Variants in PPP2R2B observed in about 807,000 individuals in gnomAD.
The protein encoded by PPP2R2B is serine/threonine-protein phosphatase 2A 55 kDa regulatory subunit B beta isoform.
Under a neutral mutation model 46.0 loss-of-function variants are expected in PPP2R2B, and 5 were observed. The observed-to-expected ratio is 0.11, with a 90% CI of 0.06 to 0.23. The LOEUF is 0.23. Among genes scored for constraint, PPP2R2B ranks in the 10% least tolerant of loss-of-function variants. The probability of loss-of-function intolerance (pLI) is 1.00; values close to 1 mark genes in which losing one functional copy is unlikely to be tolerated. For missense variants in PPP2R2B, 367 were observed against 575.0 expected, an observed-to-expected ratio of 0.64 and a Z score of 3.70; for synonymous variants, 215 against 206.7, an observed-to-expected ratio of 1.04 and a Z score of -0.34.
At chr5:146,913,014 T>C (rs1441556445) in intron 1 of PPP2R2B, among the ~76,000 whole-genome samples, 1 of 152,206 alleles carries the variant, frequency 6.6e-6, no homozygotes, top group African/African-American at 2.4e-5. Flanking sequence ...AAACACTATG[T>C]GTTCAGCCCT....
chr5:146,803,343 G>A (rs1443264604), intron 2 of PPP2R2B, among the ~76,000 whole-genome samples: 3 of 151,838 alleles, frequency 2.0e-5, no homozygotes, highest in Non-Finnish European at 4.4e-5. Context: ...AGAGTGCTGG[G>A]GATTATCAGC....
chr5:147,056,221 A>G (rs1757078553), upstream of PPP2R2B: 1 of 742,616 alleles, frequency 1.3e-6, no homozygotes, highest in Non-Finnish European at 1.6e-6. Context: ...TGCCCTGGAG[A>G]GAGATGGCTG....
chr5:146,696,329 C>T (rs886595396), intron 4 of PPP2R2B, among the ~76,000 whole-genome samples: 4 of 152,170 alleles, frequency 2.6e-5, no homozygotes, highest in African/African-American at 7.2e-5. Flanking sequence ...TGGTCTCGAT[C>T]TCCTGACCTC....
chr5:146,641,356 T>C (rs1581774195), intron 6 of PPP2R2B, among the ~76,000 whole-genome samples: 1 of 152,120 alleles, frequency 6.6e-6, no homozygotes, highest in South Asian at 2.1e-4. Context: ...CTGGCCAAAA[T>C]GTGACAATTT....
At chr5:146,777,899 T>G (rs1755284159) in intron 2 of PPP2R2B, among the ~76,000 whole-genome samples, 1 of 152,192 alleles carries the variant, frequency 6.6e-6, no homozygotes, top group African/African-American at 2.4e-5. Context: ...ATGAATGCAC[T>G]GTTACGAGGG....
chr5:146,969,659 T>A (rs1752581962), intron 1 of PPP2R2B, among the ~76,000 whole-genome samples: 3 of 152,318 alleles, frequency 2.0e-5, no homozygotes, highest in Admixed American at 2.0e-4. Flanking sequence ...AACAGAAGAA[T>A]CAAGAGTCAT....
intron 1 of PPP2R2B, among the ~76,000 whole-genome samples, chr5:146,992,575 A>T (rs772523290): frequency 6.6e-6 from 1 of 152,140 alleles, no homozygotes; most frequent in Non-Finnish European, 1.5e-5. Flanking sequence ...TATACCCCTA[A>T]TAGGGAGGAC....
At chr5:146,729,715 C>T (rs1752112455) in intron 2 of PPP2R2B, among the ~76,000 whole-genome samples, 1 of 152,180 alleles carries the variant, frequency 6.6e-6, no homozygotes, top group African/African-American at 2.4e-5. Flanking sequence ...AAGCCTCAAG[C>T]CTTGGCAGCT....
At chr5:146,676,039 G>A (rs551346714) in intron 5 of PPP2R2B, among the ~76,000 whole-genome samples, 7 of 151,948 alleles carry the variant, frequency 4.6e-5, no homozygotes, top group Non-Finnish European at 7.4e-5. Flanking sequence ...GAGGGAGGAC[G>A]CCTTGATATT....
At chr5:146,911,021 A>T (rs1420130109) in intron 1 of PPP2R2B, among the ~76,000 whole-genome samples, 1 of 151,036 alleles carries the variant, frequency 6.6e-6, no homozygotes, top group African/African-American at 2.4e-5. Context: ...ACTCTGCCTC[A>T]TCTTTTATAT....
intron 2 of PPP2R2B, among the ~76,000 whole-genome samples, chr5:146,773,466 C>CAATTCTACAA (rs1419904644): frequency 1.3e-5 from 2 of 152,218 alleles, no homozygotes; most frequent in African/African-American, 4.8e-5. Context: ...AATGGCCTCA[C>CAATTCTACAA]AATTCTACAA....
chr5:146,894,753 T>C (rs1311220404), intron 1 of PPP2R2B, among the ~76,000 whole-genome samples: 1 of 152,172 alleles, frequency 6.6e-6, no homozygotes, highest in Non-Finnish European at 1.5e-5. Flanking sequence ...CTCTGGACCT[T>C]TGTACACACT....
At chr5:146,640,224 C>A (rs1775105833) in intron 6 of PPP2R2B, among the ~76,000 whole-genome samples, 1 of 152,230 alleles carries the variant, frequency 6.6e-6, no homozygotes, top group African/African-American at 2.4e-5. Flanking sequence ...TGGGTTCTTT[C>A]TAAAATTGGC....
chr5:146,644,234 C>CAAAAAA (rs58634387), intron 6 of PPP2R2B, among the ~76,000 whole-genome samples: 8 of 60,660 alleles, frequency 1.3e-4, no homozygotes, highest in African/African-American at 2.5e-4. Context: ...AGGAAAGTTT[C>CAAAAAA]AAAAAAAAAA....
intron 1 of PPP2R2B, among the ~76,000 whole-genome samples, chr5:147,020,422 T>A (rs1044178536): frequency 4.6e-5 from 7 of 152,192 alleles, no homozygotes; most frequent in Middle Eastern, 3.4e-3. Flanking sequence ...GAAATTCATA[T>A]GTGATTTATA....
At chr5:146,679,153 G>C (rs1581856125) in intron 5 of PPP2R2B, among the ~76,000 whole-genome samples, 7 of 52,296 alleles carry the variant, frequency 1.3e-4, no homozygotes, top group African/African-American at 2.7e-4. Context: ...ATACTACAAG[G>C]CTACAGTAAC....
Position 146,583,033 on chromosome 5 carries a change from A to G in PPP2R2B, c.*6914T>C, listed in dbSNP as rs1274054987. On this transcript the variant is annotated 3_prime_UTR_variant, in exon 10 of 10. Coordinates refer to ENST00000394411, the MANE Select transcript of PPP2R2B (RefSeq NM_181675.4). ...CTTATTTCTCTTGGTCTGCCTTCCTACTTTTTACTAATCAGTCATACCAGA... is the reference window on the plus strand; with the variant it reads ...CTTATTTCTCTTGGTCTGCCTTCCTGCTTTTTACTAATCAGTCATACCAGA... 6.6e-6 allele frequency: 1 copy of G among 152,140 alleles called. No individual in the cohort carries two copies. The highest frequency in any genetic ancestry group is 2.4e-5 in the African/African-American group (1 of 41,402). 9.4% of individuals were successfully genotyped at this position (152,140 alleles called of 1,614,324 possible). A position where few individuals can be genotyped will look rare whatever the true frequency, so the allele number is the denominator to read the frequency against.
chr5:146,989,880 A>G (rs1332939904), intron 1 of PPP2R2B, among the ~76,000 whole-genome samples: 1 of 151,954 alleles, frequency 6.6e-6, no homozygotes, highest in Non-Finnish European at 1.5e-5. Flanking sequence ...TATTAGAATT[A>G]ATAACTGAGT....
At chr5:147,070,297 C>T (rs985725904) in intron 2 of PPP2R2B, among the ~76,000 whole-genome samples, 2 of 152,056 alleles carry the variant, frequency 1.3e-5, no homozygotes, top group African/African-American at 2.4e-5. Context: ...ATATTCTTAC[C>T]TGCAACCAAA....
Sources: allele counts gnomAD v4.1 joint callset (sites outside exome capture counted in the v4.1 genomes callset), GRCh38; gene constraint gnomAD v4.1.1; transcripts MANE v1.5; gene names NCBI Gene and HGNC (gene_info 2026-07-23, HGNC 2026-07-21).